The following TRHDE variants were observed in gnomAD, a reference collection of about 807,000 sequenced individuals.
TRHDE encodes the protein thyrotropin-releasing hormone-degrading ectoenzyme.
TRHDE carries 72 observed loss-of-function variants against 125.7 expected under a neutral mutation model. The ratio of observed to expected loss-of-function variants is 0.57; its 90% confidence interval spans 0.47 to 0.70. The LOEUF (loss-of-function observed/expected upper bound fraction) is 0.70, where lower values mean the gene tolerates loss of function less well. Ranked by LOEUF, TRHDE falls within the 30% of genes least tolerant of loss-of-function variation. TRHDE has a pLI of 0.00. For synonymous variants in TRHDE, 509 were observed against 509.1 expected (o/e 1.00, Z 0.00); for missense variants, 1,110 against 1,327.1 (o/e 0.84, Z 2.54).
At chr12:72,655,965 A>G (rs1675137592) in intron 17 of TRHDE, among the ~76,000 whole-genome samples, 1 of 152,210 alleles carries the variant, frequency 6.6e-6, no homozygotes, top group Non-Finnish European at 1.5e-5. Flanking sequence ...GTTCTACAGA[A>G]GCTAAATTAA....
intron 16 of TRHDE, 112 bp from the exon 17 acceptor site, chr12:72,652,904 A>C: frequency 1.3e-6 from 1 of 765,442 alleles, no homozygotes; most frequent in Admixed American, 3.2e-5. Context: ...TAAAGATTGC[A>C]CTAGACTATT....
chr12:72,397,946 T>C (rs1872869336), intron 3 of TRHDE, among the ~76,000 whole-genome samples: 7 of 151,438 alleles, frequency 4.6e-5, no homozygotes, highest in Admixed American at 3.9e-4. Flanking sequence ...ACTCGTCATC[T>C]AGCATTAGGT....
intron 2 of TRHDE, among the ~76,000 whole-genome samples, chr12:72,212,401 T>C (rs1877801516): frequency 6.6e-6 from 1 of 151,842 alleles, no homozygotes. Flanking sequence ...CATTGTGGTA[T>C]GAATAATAAC....
chr12:72,201,162 G>T (rs988004554), intron 2 of TRHDE, among the ~76,000 whole-genome samples: 1 of 152,122 alleles, frequency 6.6e-6, no homozygotes, highest in South Asian at 2.1e-4. Context: ...TGCAATTGAA[G>T]TAGGGATCAG....
At chr12:72,400,835 G>A (rs1454345986) in intron 3 of TRHDE, among the ~76,000 whole-genome samples, 2 of 152,040 alleles carry the variant, frequency 1.3e-5, no homozygotes, top group African/African-American at 4.8e-5. Context: ...TTCTTACCTA[G>A]AGCACTTTAC....
chr12:72,385,991 CGTGTACA>C (rs1231859120), intron 3 of TRHDE, among the ~76,000 whole-genome samples: 1 of 152,156 alleles, frequency 6.6e-6, no homozygotes, highest in Non-Finnish European at 1.5e-5. Context: ...GTAGTAACTA[CGTGTACA>C]TTGTGCTCAG....
intron 15 of TRHDE, among the ~76,000 whole-genome samples, chr12:72,630,682 C>G (rs919478558): frequency 6.6e-6 from 1 of 151,520 alleles, no homozygotes; most frequent in African/African-American, 2.4e-5. Flanking sequence ...AAACTTCATC[C>G]TTATTTTTAC....
intron 2 of TRHDE, among the ~76,000 whole-genome samples, chr12:72,326,090 C>G (rs923034650): frequency 6.6e-6 from 1 of 152,090 alleles, no homozygotes; most frequent in African/African-American, 2.4e-5. Context: ...TTCTTAACCA[C>G]CAACTGTTCC....
intron 2 of TRHDE, among the ~76,000 whole-genome samples, chr12:72,192,633 G>GC (rs1877363344): frequency 6.6e-6 from 1 of 152,068 alleles, no homozygotes; most frequent in Admixed American, 6.6e-5. Context: ...ACCTGGATTT[G>GC]AAGCCTGGAT....
chr12:72,219,793 ATGT>A (rs368244182), intron 2 of TRHDE, among the ~76,000 whole-genome samples: 149 of 152,236 alleles, frequency 9.8e-4, no homozygotes, highest in African/African-American at 3.3e-3. Flanking sequence ...GTCTGCTGAG[ATGT>A]TGTACCTGAT....
chr12:72,446,116 G>A lies in TRHDE; in HGVS notation c.1316-23642G>A, dbSNP rs1272686201. On this transcript the variant is annotated intron_variant, in intron 3 of 18. Transcript: ENST00000261180. Reference sequence around the variant, plus strand: ...GGGGACCTGTCAAAATCCAAATATCGATTCAGTGATGGGTGGGGCCCGATT... The same window carrying A: ...GGGGACCTGTCAAAATCCAAATATCAATTCAGTGATGGGTGGGGCCCGATT... 4.0e-5 allele frequency among the ~76,000 whole-genome samples: 6 copies of A among 149,114 alleles called. No individual in the cohort carries two copies. In the South Asian group the frequency reaches 8.5e-4, roughly 21 times the overall value.
intron 6 of TRHDE, among the ~76,000 whole-genome samples, chr12:72,504,837 T>A (rs893275697): frequency 7.2e-5 from 11 of 152,216 alleles, no homozygotes; most frequent in African/African-American, 2.4e-4. Context: ...TGCTCTTCTG[T>A]GTTCTTCTCC....
intron 2 of TRHDE, among the ~76,000 whole-genome samples, chr12:72,290,024 GAACACTAGTAT>G (rs1880027838): frequency 6.6e-6 from 1 of 152,210 alleles, no homozygotes; most frequent in African/African-American, 2.4e-5. Context: ...TGTGGTTTAG[GAACACTAGTAT>G]TTACGTATTC....
chr12:72,400,897 A>G, intron 3 of TRHDE, among the ~76,000 whole-genome samples: 1 of 152,292 alleles, frequency 6.6e-6, no homozygotes, highest in South Asian at 2.1e-4. Context: ...AATGGAGTAA[A>G]ATAATTTCTT....
At chr12:72,470,395 C>T (rs913536258) in intron 4 of TRHDE, among the ~76,000 whole-genome samples, 1 of 152,212 alleles carries the variant, frequency 6.6e-6, no homozygotes. Flanking sequence ...CAGCCATAGA[C>T]TCTTTGTTCT....
intron 2 of TRHDE, chr12:72,254,880 C>G (rs868667120): frequency 4.6e-5 from 7 of 152,250 alleles, no homozygotes; most frequent in South Asian, 2.1e-4. Flanking sequence ...CTATAAATAA[C>G]TCTTCCCCCA....
At chr12:72,238,333 TAC>T (rs1342009100) in intron 2 of TRHDE, among the ~76,000 whole-genome samples, 2 of 30,482 alleles carry the variant, frequency 6.6e-5, no homozygotes, top group African/African-American at 1.2e-4. Context: ...CATATATATA[TAC>T]ACATTATATA....
intron 1 of TRHDE, among the ~76,000 whole-genome samples, chr12:72,103,230 A>T (rs1387404798): frequency 2.0e-5 from 3 of 152,206 alleles, no homozygotes; most frequent in Non-Finnish European, 4.4e-5. Context: ...AAAGAAGGAG[A>T]TTAAAATCCT....
At chr12:72,448,835 CTT>C (rs77626321) in intron 3 of TRHDE, among the ~76,000 whole-genome samples, 3 of 144,708 alleles carry the variant, frequency 2.1e-5, no homozygotes, top group Admixed American at 6.9e-5. Flanking sequence ...TTTATTTTTA[CTT>C]TTTTTTTTTG....
Sources: gnomAD v4.1 joint callset for allele counts (sites outside exome capture counted in the v4.1 genomes callset) on GRCh38, gnomAD v4.1.1 for gene constraint, MANE v1.5 for transcripts, NCBI Gene and HGNC (gene_info 2026-07-23, HGNC 2026-07-21) for gene names.